The following SLC4A5 variants were observed in gnomAD, a reference collection of about 807,000 sequenced individuals.
The protein encoded by SLC4A5 is electrogenic sodium bicarbonate cotransporter 4.
SLC4A5 carries 96 observed loss-of-function variants against 120.4 expected under a neutral mutation model. The ratio of observed to expected loss-of-function variants is 0.80; its 90% CI spans 0.68 to 0.94. The LOEUF (loss-of-function observed/expected upper bound fraction) is 0.94. Ranked by LOEUF, SLC4A5 falls within the 40% of genes least tolerant of loss-of-function variation. The probability of loss-of-function intolerance (pLI) is 0.00; values close to 1 mark genes in which losing one functional copy is unlikely to be tolerated. For synonymous variants in SLC4A5, 550 were observed against 571.1 expected, an observed-to-expected ratio of 0.96 and a Z score of 0.53; for missense variants, 1,259 against 1,459.5, an observed-to-expected ratio of 0.86 and a Z score of 2.24.
intron 8 of SLC4A5, among the ~76,000 whole-genome samples, chr2:74,268,049 G>A (rs1431741565): frequency 6.6e-6 from 1 of 151,666 alleles, no homozygotes; most frequent in African/African-American, 2.4e-5. Flanking sequence ...TTGAATAACA[G>A]CTCCATCATT....
At chr2:74,317,348 G>A (rs938881919) in intron 5 of SLC4A5, among the ~76,000 whole-genome samples, 10 of 141,948 alleles carry the variant, frequency 7.0e-5, no homozygotes, top group Non-Finnish European at 1.2e-4. Context: ...ACCAGGAACA[G>A]ATAGTTTTTT....
chr2:74,267,653 C>T (rs564707395), intron 8 of SLC4A5, among the ~76,000 whole-genome samples: 7 of 152,252 alleles, frequency 4.6e-5, no homozygotes, highest in Non-Finnish European at 8.8e-5. Flanking sequence ...GTTGTTGGGG[C>T]GGGATTTAAG....
rs543373777 is a variant in SLC4A5 at position 74,313,039 on chromosome 2, CCT to C, written c.79+1904_79+1905del. 2.0e-5 allele frequency among the ~76,000 whole-genome samples: 3 copies of C among 150,412 alleles called. No individual in the cohort carries two copies. The South Asian group carries it at 6.3e-4, about 32-fold the overall frequency. On this transcript the variant is annotated intron_variant, in intron 6 of 30. Coordinates refer to ENST00000394019, the Ensembl canonical transcript of SLC4A5. The stretch of plus-strand genomic sequence containing the variant: ...TCCTTTTTTTTTTTTTAATCTTCCC[CCT>C]TTTTGGTCTTTTTTTTTTTTTTTTT...
At chr2:74,314,891 A>C in intron 6 of SLC4A5, 54 bp downstream of exon 6, 1 of 1,492,334 alleles carries the variant, frequency 6.7e-7, no homozygotes, top group Non-Finnish European at 9.4e-7. Context: ...AAAGACATTC[A>C]GAGAATTCTC....
intron 8 of SLC4A5, among the ~76,000 whole-genome samples, chr2:74,271,629 A>T (rs926190794): frequency 1.3e-5 from 2 of 151,836 alleles, no homozygotes; most frequent in Non-Finnish European, 2.9e-5. Flanking sequence ...GACAGGTGCC[A>T]TTTCTTCCTC....
At chr2:74,253,708 A>G (rs1670868060) in intron 14 of SLC4A5, among the ~76,000 whole-genome samples, 1 of 152,236 alleles carries the variant, frequency 6.6e-6, no homozygotes, top group South Asian at 2.1e-4. Flanking sequence ...GTGAAAATGC[A>G]ATATAAAAAT....
At chr2:74,334,677 C>T (rs944164907) in intron 3 of SLC4A5, among the ~76,000 whole-genome samples, 3 of 151,874 alleles carry the variant, frequency 2.0e-5, no homozygotes, top group Admixed American at 1.3e-4. Context: ...GAGCCTGGCT[C>T]ATAAATGATT....
rs1448808919 is a variant in SLC4A5 at position 74,255,731 on chromosome 2, G to C, written c.1025+44C>G. Reference sequence around the variant, plus strand: ...CTGCTTGCTGACTGCACTGCTGACTGGCTACCTGAGAGTGGCGTGGGGACA... The same window carrying C: ...CTGCTTGCTGACTGCACTGCTGACTCGCTACCTGAGAGTGGCGTGGGGACA... On this transcript the variant is annotated intron_variant, in intron 13 of 30. Transcript: ENST00000394019. The surrounding 1 kb of genome is among the most constrained non-coding windows in gnomAD (Gnocchi z 4.0). 4 of 1,609,050 alleles carry C rather than the reference G, an allele frequency of 2.5e-6. No individual in the cohort carries two copies. Among genetic ancestry groups the C allele is most frequent in the African/African-American group, 2.7e-5 (2 of 74,830 alleles).
chr2:74,284,838 C>T (rs970756740), intron 8 of SLC4A5, among the ~76,000 whole-genome samples: 1 of 152,144 alleles, frequency 6.6e-6, no homozygotes, highest in African/African-American at 2.4e-5. Context: ...ATGGAGTGCT[C>T]TCTGCTCCAC....
intron 7 of SLC4A5, among the ~76,000 whole-genome samples, chr2:74,303,983 G>A (rs1204731283): frequency 6.6e-6 from 1 of 150,814 alleles, no homozygotes; most frequent in African/African-American, 2.4e-5. Flanking sequence ...CCAAGTAGCT[G>A]GGACTACAGG....
At chr2:74,276,650 C>T (rs947819363) in intron 8 of SLC4A5, among the ~76,000 whole-genome samples, 3 of 85,944 alleles carry the variant, frequency 3.5e-5, no homozygotes, top group Admixed American at 1.2e-4. Context: ...CAAAGGATTG[C>T]TTACGTTAAG....
At chr2:74,280,150 C>T (rs539282726) in intron 8 of SLC4A5, among the ~76,000 whole-genome samples, 6 of 152,256 alleles carry the variant, frequency 3.9e-5, no homozygotes, top group African/African-American at 1.4e-4. Context: ...CCATTCCCTG[C>T]CTCCTATTCT....
intron 8 of SLC4A5, among the ~76,000 whole-genome samples, chr2:74,280,779 G>C (rs1203851910): frequency 1.3e-5 from 2 of 152,004 alleles, no homozygotes; most frequent in Non-Finnish European, 2.9e-5. Context: ...CCGCCTCCCA[G>C]GTTCAAGCAA....
At chr2:74,262,335 A>T in intron 10 of SLC4A5, 103 bp from the exon 11 acceptor site, 1 of 697,680 alleles carries the variant, frequency 1.4e-6, no homozygotes, top group Non-Finnish European at 2.4e-6. Flanking sequence ...GTGGCAAGAC[A>T]TGTCTCTTCC....
At chr2:74,261,887 G>C (rs1047786544) in intron 11 of SLC4A5, among the ~76,000 whole-genome samples, 19 of 152,216 alleles carry the variant, frequency 1.2e-4, no homozygotes, top group African/African-American at 4.6e-4. Context: ...GAATATGGGA[G>C]TGGGTATTGA....
chr2:74,273,281 T>A (rs927524627), intron 8 of SLC4A5, among the ~76,000 whole-genome samples: 1 of 152,260 alleles, frequency 6.6e-6, no homozygotes, highest in African/African-American at 2.4e-5. Flanking sequence ...TTAAATAGTG[T>A]CTTGGTTAGT....
intron 5 of SLC4A5, 35 bp from the exon 6 acceptor site, chr2:74,315,060 T>C (rs1415504634): frequency 2.6e-6 from 4 of 1,537,572 alleles, no homozygotes; most frequent in East Asian, 2.2e-5. Flanking sequence ...TCAAAATGTA[T>C]ACATTAAAAA....
At chr2:74,314,823 T>G in intron 6 of SLC4A5, 122 bp downstream of exon 6, 2 of 853,510 alleles carry the variant, frequency 2.3e-6, no homozygotes, top group Non-Finnish European at 3.9e-6. Flanking sequence ...GGAGACACTG[T>G]GGATGAGTCA....
rs994420773 is a variant in SLC4A5 at position 74,284,152 on chromosome 2, T to C, written c.401+1621A>G. 4.9e-5 allele frequency among the ~76,000 whole-genome samples: 6 copies of C among 122,670 alleles called. 1 individual carries two copies. Among genetic ancestry groups the C allele is most frequent in the Non-Finnish European group, 7.7e-5 (5 of 65,088 alleles). The allele number at this position is 122,670 out of a possible 152,430, so 80.5% of individuals were successfully genotyped here. A position where few individuals can be genotyped will look rare whatever the true frequency, so the allele number is the denominator to read the frequency against. On this transcript the variant is annotated intron_variant, in intron 8 of 30. Coordinates refer to ENST00000394019, the Ensembl canonical transcript of SLC4A5. ...CATGAGCCACTGTGCCTAGCCCTTATTCCTTATTTCTTTTTTTTTTTTTTT... is the reference window on the plus strand; with the variant it reads ...CATGAGCCACTGTGCCTAGCCCTTACTCCTTATTTCTTTTTTTTTTTTTTT...
Sources: allele counts gnomAD v4.1 joint callset (sites outside exome capture counted in the v4.1 genomes callset), GRCh38; gene constraint gnomAD v4.1.1; non-coding constraint Gnocchi (gnomAD v3.1); transcripts MANE v1.5; gene names NCBI Gene and HGNC (gene_info 2026-07-23, HGNC 2026-07-21).